The following ORC6 variants were observed in gnomAD, a reference collection of about 807,000 sequenced individuals.
ORC6 encodes the protein origin recognition complex, subunit 6 homolog-like (yeast).
ORC6 carries 31 observed loss-of-function variants against 30.0 expected under a neutral mutation model. That is an observed-to-expected ratio of 1.03 (90% confidence interval 0.78 to 1.40). The LOEUF (loss-of-function observed/expected upper bound fraction) is 1.40. ORC6 is among the 40% of genes most tolerant of loss of function. ORC6 has a pLI of 0.00. For missense variants in ORC6, 340 were observed against 304.3 expected (o/e 1.12, Z -0.87); for synonymous variants, 136 against 111.2 (o/e 1.22, Z -1.40).
At chr16:46,691,954 A>ACG (rs1464451439) in intron 2 of ORC6, among the ~76,000 whole-genome samples, 8 of 6,086 alleles carry the variant, frequency 1.3e-3, no homozygotes, top group Middle Eastern at 0.045. Context: ...ACACACACAC[A>ACG]CACACTCTCT....
At chr16:46,691,958 A>ACACACACACACACTCTCTCT in intron 2 of ORC6, among the ~76,000 whole-genome samples, 11 of 36,662 alleles carry the variant, frequency 3.0e-4, no homozygotes, top group African/African-American at 6.7e-4. Flanking sequence ...ACACACACAC[A>ACACACACACACACTCTCTCT]CTCTCTCTCT....
intron 3 of ORC6, 54 bp downstream of exon 3, chr16:46,692,599 G>GCCACCACGCC: frequency 6.7e-7 from 1 of 1,498,344 alleles, no homozygotes; most frequent in Non-Finnish European, 9.2e-7. Context: ...GCCGGGCGTG[G>GCCACCACGCC]TGGCTCACGC....
chr16:46,695,165 T>C (rs952634147), intron 4 of ORC6: 1 of 231,820 alleles, frequency 4.3e-6, no homozygotes, highest in Admixed American at 5.2e-5. Flanking sequence ...TGGAGTCTTA[T>C]TAGGAAAGTT....
chr16:46,692,571 G>GA, intron 3 of ORC6, 26 bp downstream of exon 3: 1 of 1,603,080 alleles, frequency 6.2e-7, no homozygotes, highest in Non-Finnish European at 8.5e-7. Context: ...AACCTTAATT[G>GA]AAAATGTATA....
Position 46,689,742 on chromosome 16 carries a change from C to G in ORC6, c.37C>G (p.Leu13Val). Residue 13 changes from leucine (L) to valine (V), a missense_variant, in exon 1 of 7, where the codon CTG becomes GTG. Leu to Val is a conservative substitution (Grantham distance 32). Coordinates refer to ENST00000219097, the MANE Select transcript of ORC6 (RefSeq NM_014321.4). ...GCTGATCGGGCGCCTAGCCCCGCGC[C>G]TGGGCCTCGCCGAGCCCGACATGCT... ...SELIGRLAPR[L>V]GLAEPDMLRK... is the part of the protein sequence containing the mutation. 6.2e-7 allele frequency: 1 copy of G among 1,601,310 alleles called. No individual in the cohort carries two copies. Among genetic ancestry groups the G allele is most frequent in the Non-Finnish European group, 8.5e-7 (1 of 1,174,384 alleles).
chr16:46,692,690 A>G, intron 3 of ORC6, 145 bp downstream of exon 3: 1 of 696,698 alleles, frequency 1.4e-6, no homozygotes. Context: ...CAACATGGTG[A>G]AACCCCATTT....
At chr16:46,693,421 T>C in intron 4 of ORC6, 1 of 564,936 alleles carries the variant, frequency 1.8e-6, no homozygotes, top group Admixed American at 3.1e-5. Context: ...ATGCTGGGAA[T>C]TCTGATTTCA....
At chr16:46,690,877 C>A in intron 1 of ORC6, 114 bp from the exon 2 acceptor site, 1 of 1,090,288 alleles carries the variant, frequency 9.2e-7, no homozygotes, top group Non-Finnish European at 1.4e-6. Context: ...CCCAGATAAA[C>A]GAGCCACAGG....
chr16:46,693,587 G>C (rs1202118306), intron 4 of ORC6: 1 of 284,010 alleles, frequency 3.5e-6, no homozygotes, highest in Non-Finnish European at 6.8e-6. Context: ...ACTGCTTGAG[G>C]CAAGGAGTTC....
Position 46,698,326 on chromosome 16 carries a change from C to T in ORC6, c.*741C>T, listed in dbSNP as rs1437659825. ...CAGATTTTACTTCAATTTTTGTGTA[C>T]GGTATTTTTTATTTGACTAAATCAA... On this transcript the variant is annotated 3_prime_UTR_variant, in exon 7 of 7. Transcript: ENST00000219097. 12 of 445,642 alleles carry T rather than the reference C, an allele frequency of 2.7e-5. No individual in the cohort carries two copies. The highest frequency in any genetic ancestry group is 4.7e-5 in the South Asian group (3 of 63,174). The allele number at this position is 445,642 out of a possible 1,614,324, so 27.6% of individuals were successfully genotyped here.
At position 46,689,944 on chromosome 16, in the gene ORC6, G is replaced by T. The variant is rs934155773; in HGVS notation, c.65+174G>T. 3.3e-6 allele frequency: 3 copies of T among 907,282 alleles called. No individual in the cohort carries two copies. The Admixed American group carries it at 9.5e-5, about 29-fold the overall frequency. The allele number at this position is 907,282 out of a possible 1,614,324, so 56.2% of individuals were successfully genotyped here. Reference sequence around the variant, plus strand: ...AAACTTCTCGGCCGTGAGCTTGAATGAGATGGCAAGAAGGGCGATAGCAAA... The same window carrying T: ...AAACTTCTCGGCCGTGAGCTTGAATTAGATGGCAAGAAGGGCGATAGCAAA... On this transcript the variant is annotated intron_variant, in intron 1 of 6. Transcript: ENST00000219097.
intron 4 of ORC6, chr16:46,694,384 CA>C (rs1216160715): frequency 7.0e-6 from 1 of 143,634 alleles, no homozygotes; most frequent in Non-Finnish European, 1.5e-5. Flanking sequence ...GCATACCTCC[CA>C]GACGGGGTGG....
In ORC6 at chr16:46,692,394, A is replaced by G. The variant is rs1361613618; in HGVS notation, c.208A>G (p.Lys70Glu). 6.2e-7 allele frequency: 1 copy of G among 1,613,288 alleles called. No homozygotes were observed. The part of the protein sequence containing the change: ...KCPLDRAYLI[K>E]LSGLNKETYQ... ...TTTCCTTTCACAGGCTTATTTAATT[A>G]AACTTTCTGGTTTGAACAAGGAGAC... Residue 70 changes from lysine (K) to glutamate (E), a missense_variant, in exon 3 of 7, where the codon AAA becomes GAA. By Grantham distance (56) the Lys-to-Glu change is moderately conservative. Transcript: ENST00000219097.
chr16:46,697,555 T>C lies in ORC6; in HGVS notation c.729T>C (p.Ala243=). ...GGAAAAGAAAAATTTTGGAAAATGC[T>C]GCCAGTGCTCAAAAGGCTACAGCAG... ...EEWKRKILEN[A]ASAQKATAE is the part of the protein sequence containing the mutation. The change falls in exon 7 of 7, where the codon GCT becomes GCC. Residue 243 remains alanine (A), a synonymous_variant. Coordinates refer to ENST00000219097, the MANE Select transcript of ORC6 (RefSeq NM_014321.4). 6.2e-7 allele frequency: 1 copy of C among 1,614,144 alleles called. No homozygotes were observed. Among genetic ancestry groups the C allele is most frequent in the East Asian group, 2.2e-5 (1 of 44,884 alleles).
At chr16:46,696,149 T>G in intron 6 of ORC6, 64 bp downstream of exon 6, 2 of 1,157,640 alleles carry the variant, frequency 1.7e-6, no homozygotes, top group Non-Finnish European at 2.6e-6. Context: ...AGTGCTGCTC[T>G]AGCAGCTTGC....
In ORC6 at chr16:46,689,662, G is replaced by T; in HGVS notation, c.-44G>T. 2 of 1,574,848 alleles carry T rather than the reference G, an allele frequency of 1.3e-6. No homozygotes were observed. The highest frequency in any genetic ancestry group is 2.3e-5 in the South Asian group (2 of 86,528). On this transcript the variant is annotated 5_prime_UTR_variant, in exon 1 of 7. Transcript: ENST00000219097. ...GCAGCCTTTGCGCGCGGGTTTCGTTGACCCGCGGCGTTCACGGGAATTGTT... is the reference window on the plus strand; with the variant it reads ...GCAGCCTTTGCGCGCGGGTTTCGTTTACCCGCGGCGTTCACGGGAATTGTT...
At chr16:46,697,413 T>C in intron 6 of ORC6, 45 bp from the exon 7 acceptor site, 1 of 1,557,846 alleles carries the variant, frequency 6.4e-7, no homozygotes, top group African/African-American at 1.4e-5. Flanking sequence ...AAATTTCATT[T>C]CTAAGCTAAG....
rs568119196 is a variant in ORC6 at position 46,698,160 on chromosome 16, TATAGATAG to T, written c.*590_*597del. ...CCAGCCTGGGTGACAGAGCGAGACT[TATAGATAG>T]ATAGATAGATAGATGGATAGATAGA... On this transcript the variant is annotated 3_prime_UTR_variant, in exon 7 of 7. Coordinates refer to ENST00000219097, the MANE Select transcript of ORC6 (RefSeq NM_014321.4). The T allele has an allele frequency of 1.6e-4, 58 of 368,952 alleles. No individual in the cohort carries two copies. The East Asian group carries it at 2.9e-3, about 18-fold the overall frequency. The allele number at this position is 368,952 out of a possible 1,614,324, so 22.9% of individuals were successfully genotyped here.
intron 5 of ORC6, 66 bp from the exon 6 acceptor site, chr16:46,695,951 C>T: frequency 1.7e-6 from 2 of 1,192,908 alleles, no homozygotes; most frequent in Non-Finnish European, 1.3e-6. Context: ...ATTTGTGATC[C>T]AAAACATGCC....
Sources: allele counts gnomAD v4.1 joint callset (sites outside exome capture counted in the v4.1 genomes callset), GRCh38; gene constraint gnomAD v4.1.1; transcripts MANE v1.5; gene names NCBI Gene and HGNC (gene_info 2026-07-23, HGNC 2026-07-21).